FMN1: variants seen among roughly 807,000 people sequenced by gnomAD.
FMN1 encodes formin-1.
Under a neutral mutation model 132.4 loss-of-function variants are expected in FMN1, and 110 were observed. The ratio of observed to expected loss-of-function variants is 0.83; its 90% confidence interval spans 0.71 to 0.97. The LOEUF (loss-of-function observed/expected upper bound fraction) is 0.97. Among genes scored for constraint, FMN1 ranks in the 50% least tolerant of loss-of-function variants. The pLI is 0.00. For synonymous variants in FMN1, 722 were observed against 651.7 expected, an observed-to-expected ratio of 1.11 and a Z score of -1.64; for missense variants, 1,792 against 1,705.3, an observed-to-expected ratio of 1.05 and a Z score of -0.90.
intron 5 of FMN1, chr15:33,067,907 A>G (rs757494310): frequency 5.7e-6 from 9 of 1,585,562 alleles, no homozygotes; most frequent in African/African-American, 1.3e-5. Flanking sequence ...CCCTTGGTGG[A>G]AGTTCTGACT....
At chr15:32,996,585 T>C (rs185635740) in intron 7 of FMN1, among the ~76,000 whole-genome samples, 1 of 152,292 alleles carries the variant, frequency 6.6e-6, no homozygotes, top group East Asian at 1.9e-4. Context: ...GTGTAATAGC[T>C]CATTCACTCC....
chr15:32,918,216 A>G (rs907682501), intron 10 of FMN1, among the ~76,000 whole-genome samples: 3 of 152,164 alleles, frequency 2.0e-5, no homozygotes, highest in Admixed American at 1.3e-4. Context: ...CAATAATTGT[A>G]ATTTTACACT....
chr15:33,013,562 T>A (rs946652948), intron 6 of FMN1, among the ~76,000 whole-genome samples: 9 of 152,358 alleles, frequency 5.9e-5, no homozygotes, highest in South Asian at 2.1e-4. Flanking sequence ...GGATATTTTT[T>A]ACGAAATTAT....
At chr15:32,998,825 C>A (rs8038657) in intron 7 of FMN1, among the ~76,000 whole-genome samples, 5 of 152,268 alleles carry the variant, frequency 3.3e-5, no homozygotes, top group African/African-American at 1.2e-4. Flanking sequence ...ATCATTGGCC[C>A]CCATGATACA....
In FMN1 at chr15:32,767,658, A is replaced by C. The variant is rs997664600; in HGVS notation, c.*6652T>G. The C allele has an allele frequency of 6.6e-6, 1 of 152,236 alleles. No individual in the cohort carries two copies. The highest frequency in any genetic ancestry group is 1.5e-5 in the Non-Finnish European group (1 of 68,044). The allele number at this position is 152,236 out of a possible 1,614,324, so 9.4% of individuals were successfully genotyped here. On this transcript the variant is annotated 3_prime_UTR_variant, in exon 21 of 21. Coordinates refer to ENST00000616417, the MANE Select transcript of FMN1 (RefSeq NM_001277313.2). ...CTTTAAAGGGAAGTTCTTTTTATTA[A>C]TGCATACTCTCTTTGAAGATAAGAC...
intron 16 of FMN1, among the ~76,000 whole-genome samples, chr15:32,867,349 GC>G (rs2059414405): frequency 6.6e-6 from 1 of 152,120 alleles, no homozygotes; most frequent in African/African-American, 2.4e-5. Flanking sequence ...GCCTCACCCT[GC>G]TCTCCCTGCC....
intron 16 of FMN1, 24 bp downstream of exon 16, chr15:32,888,148 T>C: frequency 2.5e-6 from 4 of 1,575,122 alleles, no homozygotes. Flanking sequence ...GCTATTATCA[T>C]AATAGCAGAA....
At chr15:33,053,533 C>A (rs376744107) in intron 6 of FMN1, among the ~76,000 whole-genome samples, 1 of 152,200 alleles carries the variant, frequency 6.6e-6, no homozygotes, top group African/African-American at 2.4e-5. Context: ...TTCAACAAGA[C>A]TGCCCTCATT....
intron 16 of FMN1, among the ~76,000 whole-genome samples, chr15:32,885,078 T>C (rs913679160): frequency 6.6e-6 from 1 of 152,250 alleles, no homozygotes; most frequent in Non-Finnish European, 1.5e-5. Flanking sequence ...TTATGCTACT[T>C]GACAAGCTGT....
chr15:32,833,926 C>T (rs985739594), intron 17 of FMN1, among the ~76,000 whole-genome samples: 2 of 152,178 alleles, frequency 1.3e-5, no homozygotes, highest in African/African-American at 4.8e-5. Context: ...TAAGCCCAGA[C>T]CTTACACTAA....
At chr15:33,031,407 G>A (rs2035931813) in intron 6 of FMN1, among the ~76,000 whole-genome samples, 1 of 152,130 alleles carries the variant, frequency 6.6e-6, no homozygotes, top group Non-Finnish European at 1.5e-5. Context: ...CTCAGGCCCA[G>A]TCCTCTCCAG....
At chr15:33,066,899 T>C in intron 5 of FMN1, 2 of 1,613,960 alleles carry the variant, frequency 1.2e-6, no homozygotes, top group Non-Finnish European at 1.7e-6. Flanking sequence ...TGCTTTCTTC[T>C]CACTCTTCAC....
At chr15:32,774,449 G>T in intron 20 of FMN1, 95 bp from the exon 21 acceptor site, 2 of 980,552 alleles carry the variant, frequency 2.0e-6, no homozygotes, top group Non-Finnish European at 3.1e-6. Context: ...CTGAGTTTCC[G>T]GAATTGTGCC....
At chr15:32,902,702 TA>T in intron 12 of FMN1, among the ~76,000 whole-genome samples, 1 of 152,294 alleles carries the variant, frequency 6.6e-6, no homozygotes, top group Non-Finnish European at 1.5e-5. Context: ...AGACAGATCT[TA>T]AAAGCTAAAG....
chr15:32,817,633 A>G (rs961258899), intron 17 of FMN1, among the ~76,000 whole-genome samples: 7 of 152,242 alleles, frequency 4.6e-5, no homozygotes, highest in African/African-American at 1.7e-4. Context: ...CACATTAAAG[A>G]ACATTTGATC....
chr15:33,130,530 C>T (rs1426370768), intron 4 of FMN1, among the ~76,000 whole-genome samples: 1 of 152,000 alleles, frequency 6.6e-6, no homozygotes, highest in African/African-American at 2.4e-5. Flanking sequence ...GGAGTATGTG[C>T]AAACATTAAA....
At chr15:32,796,021 A>C (rs976213442) in intron 19 of FMN1, among the ~76,000 whole-genome samples, 1 of 152,242 alleles carries the variant, frequency 6.6e-6, no homozygotes, top group Non-Finnish European at 1.5e-5. Context: ...CTCACAAGGC[A>C]CAAGAACTTA....
At chr15:32,841,902 T>C (rs923741410) in intron 17 of FMN1, among the ~76,000 whole-genome samples, 2 of 152,128 alleles carry the variant, frequency 1.3e-5, no homozygotes, top group Non-Finnish European at 2.9e-5. Context: ...ATGGACTAAG[T>C]CAAGTAAAAA....
At chr15:33,015,898 C>T (rs1479475386) in intron 6 of FMN1, among the ~76,000 whole-genome samples, 1 of 152,178 alleles carries the variant, frequency 6.6e-6, no homozygotes, top group Non-Finnish European at 1.5e-5. Context: ...ACTGATAATG[C>T]TTCCCAGATA....
Sources: gnomAD v4.1 joint callset for allele counts (sites outside exome capture counted in the v4.1 genomes callset) on GRCh38, gnomAD v4.1.1 for gene constraint, MANE v1.5 for transcripts, NCBI Gene and HGNC (gene_info 2026-07-23, HGNC 2026-07-21) for gene names.